NAMPT: variants seen among roughly 807,000 people sequenced by gnomAD.
The protein encoded by NAMPT is NAmPRTase.
NAMPT carries 7 observed loss-of-function variants against 58.7 expected under a neutral mutation model. The ratio of observed to expected loss-of-function variants is 0.12; its 90% CI spans 0.07 to 0.22. NAMPT has a LOEUF of 0.22. Ranked by LOEUF, NAMPT falls within the 10% of genes least tolerant of loss-of-function variation. The pLI, the probability that NAMPT is intolerant of heterozygous loss-of-function variation, is 1.00. For missense variants in NAMPT, 271 were observed against 567.9 expected (o/e 0.48, Z 5.31); for synonymous variants, 145 against 198.1 (o/e 0.73, Z 2.25).
At chr7:106,282,952 C>G (rs1792794525) in intron 1 of NAMPT, among the ~76,000 whole-genome samples, 2 of 151,864 alleles carry the variant, frequency 1.3e-5, no homozygotes, top group African/African-American at 2.4e-5. Context: ...GATAAAAAGA[C>G]AAAAATGTAA....
At chr7:106,282,941 A>C (rs1792794354) in intron 1 of NAMPT, among the ~76,000 whole-genome samples, 2 of 152,286 alleles carry the variant, frequency 1.3e-5, no homozygotes, top group African/African-American at 2.4e-5. Flanking sequence ...CTTTTTCCTA[A>C]GATAAAAAGA....
intron 6 of NAMPT, among the ~76,000 whole-genome samples, chr7:106,267,872 A>AAAC (rs1792455020): frequency 7.3e-6 from 1 of 136,200 alleles, no homozygotes; most frequent in Admixed American, 7.4e-5. Context: ...AAAAAAAAAA[A>AAAC]AAAACAACCT....
At chr7:106,267,399 G>A (rs1383320971) in intron 6 of NAMPT, among the ~76,000 whole-genome samples, 1 of 152,100 alleles carries the variant, frequency 6.6e-6, no homozygotes, top group Non-Finnish European at 1.5e-5. Flanking sequence ...TCAAATAGTA[G>A]CAACAATAAA....
At chr7:106,282,041 A>G (rs1381524531) in intron 1 of NAMPT, among the ~76,000 whole-genome samples, 2 of 152,136 alleles carry the variant, frequency 1.3e-5, no homozygotes, top group Non-Finnish European at 2.9e-5. Flanking sequence ...ACAATGTCAC[A>G]TATATCTTTA....
At chr7:106,285,138 C>T, upstream of NAMPT, 2 of 1,287,850 alleles carry the variant, frequency 1.6e-6, no homozygotes, top group Non-Finnish European at 2.0e-6. Flanking sequence ...ACCTCGGTTC[C>T]CCCGCCTTCA....
chr7:106,251,706 C>T (rs1396408986), intron 10 of NAMPT, among the ~76,000 whole-genome samples: 2 of 152,030 alleles, frequency 1.3e-5, no homozygotes, highest in Non-Finnish European at 2.9e-5. Context: ...AAAACAGAAA[C>T]AAAGAAAAAC....
intron 1 of NAMPT, among the ~76,000 whole-genome samples, chr7:106,280,190 T>A (rs1254902223): frequency 6.6e-6 from 1 of 152,096 alleles, no homozygotes; most frequent in African/African-American, 2.4e-5. Context: ...GCTATTAGGT[T>A]AGATGGGAGA....
chr7:106,261,528 A>C (rs1473882124), intron 8 of NAMPT, 60 bp downstream of exon 8: 7 of 1,320,144 alleles, frequency 5.3e-6, no homozygotes, highest in Non-Finnish European at 7.4e-6. Flanking sequence ...TCTTTATCAA[A>C]CATAAACAAA....
chr7:106,266,109 CG>C (rs1359720462), intron 6 of NAMPT, among the ~76,000 whole-genome samples: 1 of 152,138 alleles, frequency 6.6e-6, no homozygotes, highest in African/African-American at 2.4e-5. Flanking sequence ...CTATGTCAGC[CG>C]GAAGGTCACC....
At chr7:106,267,872 A>AAAAAAAAAAAAAAAAAAAAAAAAAG (rs1562815992) in intron 6 of NAMPT, among the ~76,000 whole-genome samples, 1 of 136,200 alleles carries the variant, frequency 7.3e-6, no homozygotes, top group Non-Finnish European at 1.6e-5. Flanking sequence ...AAAAAAAAAA[A>AAAAAAAAAAAAAAAAAAAAAAAAAG]AAAACAACCT....
intron 8 of NAMPT, among the ~76,000 whole-genome samples, chr7:106,254,820 C>A (rs536702731): frequency 6.6e-6 from 1 of 152,234 alleles, no homozygotes; most frequent in African/African-American, 2.4e-5. Flanking sequence ...TTACTTGAGT[C>A]AACTTCTCTC....
At position 106,248,875 on chromosome 7, in the gene NAMPT, C is replaced by G. The variant is rs1015979663; in HGVS notation, c.*2208G>C. 1.3e-5 allele frequency: 2 copies of G among 152,060 alleles called. No homozygotes were observed. The highest frequency in any genetic ancestry group is 4.8e-5 in the African/African-American group (2 of 41,430). 9.4% of individuals were successfully genotyped at this position (152,060 alleles called of 1,614,324 possible). A position where few individuals can be genotyped will look rare whatever the true frequency, so the allele number is the denominator to read the frequency against. On this transcript the variant is annotated 3_prime_UTR_variant, in exon 11 of 11. Coordinates refer to ENST00000222553, the MANE Select transcript of NAMPT (RefSeq NM_005746.3). ...TTAGTGACAGAAAGTCAGAATTAAT[C>G]AGTTCCAAGTGACTAAGAGCCAATA...
intron 10 of NAMPT, among the ~76,000 whole-genome samples, chr7:106,252,210 G>T (rs1792116109): frequency 6.6e-6 from 1 of 151,924 alleles, no homozygotes. Flanking sequence ...GCTCATCTAG[G>T]ATAAACTAAA....
intron 3 of NAMPT, among the ~76,000 whole-genome samples, chr7:106,273,391 ATAAT>A (rs1248355185): frequency 6.6e-6 from 1 of 152,214 alleles, no homozygotes; most frequent in Non-Finnish European, 1.5e-5. Context: ...AGAAATCCTG[ATAAT>A]TTATTTATGT....
chr7:106,253,128 A>G lies in NAMPT; in HGVS notation c.1254T>C (p.Val418=). ...TTTTGGACCTTTTGTTGGGATCAGC[A>G]ACTGGGTCCTTGAAGACGTTAATCT... ...GLGINVFKDP[V]ADPNKRSKKG... The change falls in exon 10 of 11, where the codon GTT becomes GTC. Residue 418 remains valine, a synonymous_variant. Transcript: ENST00000222553. The G allele has an allele frequency of 1.2e-6, 2 of 1,612,998 alleles. No individual in the cohort carries two copies. Among genetic ancestry groups the G allele is most frequent in the Non-Finnish European group, 1.7e-6 (2 of 1,179,332 alleles).
intron 1 of NAMPT, among the ~76,000 whole-genome samples, chr7:106,279,472 A>G (rs1195639311): frequency 1.3e-5 from 2 of 152,238 alleles, no homozygotes; most frequent in Non-Finnish European, 2.9e-5. Context: ...TTTTTAAAGC[A>G]GAGCTTTTTA....
chr7:106,274,973 A>G lies in NAMPT; in HGVS notation c.291T>C (p.Asn97=), dbSNP rs1156903354. The G allele has an allele frequency of 6.2e-6, 10 of 1,611,044 alleles. No individual in the cohort carries two copies. The African/African-American group carries it at 6.7e-5, about 11-fold the overall frequency. The change falls in exon 3 of 11, where the codon AAT becomes AAC. Residue 97 remains asparagine, a synonymous_variant. Coordinates refer to ENST00000222553, the MANE Select transcript of NAMPT (RefSeq NM_005746.3). ...CAAGAATGTAGTTCCATCCCTTTTC[A>G]TTAAAGACATCATCTTGGAAATGTT... is the stretch of plus-strand genomic sequence containing the variant. ...YKEHFQDDVF[N]EKGWNYILEK...
intron 4 of NAMPT, among the ~76,000 whole-genome samples, chr7:106,270,945 T>C (rs948255857): frequency 2.6e-5 from 4 of 152,226 alleles, no homozygotes; most frequent in African/African-American, 7.2e-5. Context: ...TTAAACTCTA[T>C]AACCAATCAC....
rs879479312 is a variant in NAMPT, at chr7:106,254,241, G to T, written c.1230+123C>A. On this transcript the variant is annotated intron_variant, in intron 9 of 10. Coordinates refer to ENST00000222553, the MANE Select transcript of NAMPT (RefSeq NM_005746.3). ...CCTTGTTTCTGAGTTAAGGTCAGTA[G>T]TACCCAACAACATATTAACAGTCCA... 2.9e-5 allele frequency: 31 copies of T among 1,050,962 alleles called. 1 individual carries two copies. Among genetic ancestry groups the T allele is most frequent in the South Asian group, 2.0e-4 (13 of 66,246 alleles). 65.1% of individuals were successfully genotyped at this position (1,050,962 alleles called of 1,614,324 possible).
Sources: allele counts gnomAD v4.1 joint callset (sites outside exome capture counted in the v4.1 genomes callset), GRCh38; gene constraint gnomAD v4.1.1; transcripts MANE v1.5; gene names NCBI Gene and HGNC (gene_info 2026-07-23, HGNC 2026-07-21).